TRAF3IP1: variants seen among roughly 807,000 people sequenced by gnomAD.
TRAF3IP1 encodes the protein intraflagellar transport 54, also known as TRAF3-interacting protein 1.
TRAF3IP1 carries 53 observed loss-of-function variants against 89.9 expected under a neutral mutation model. The ratio of observed to expected loss-of-function variants is 0.59; its 90% CI spans 0.47 to 0.74. TRAF3IP1 has a LOEUF of 0.74. Ranked by LOEUF, TRAF3IP1 falls within the 30% of genes least tolerant of loss-of-function variation. The pLI is 0.00. For missense variants in TRAF3IP1, 806 were observed against 866.1 expected, an observed-to-expected ratio of 0.93 and a Z score of 0.87; for synonymous variants, 311 against 322.1, an observed-to-expected ratio of 0.97 and a Z score of 0.37.
At position 238,399,653 on chromosome 2, in the gene TRAF3IP1, G is replaced by GT. The variant is rs1184719670; in HGVS notation, c.*738dup. ...TCACTTTCTTCCGCAGTTTACCCTG[G>GT]TTTTCCTCAGACAGAGGCTAGCGCA... On this transcript the variant is annotated 3_prime_UTR_variant, in exon 17 of 17. Coordinates refer to ENST00000373327, the MANE Select transcript of TRAF3IP1 (RefSeq NM_015650.4). 1 of 152,042 alleles carries GT rather than the reference G, an allele frequency of 6.6e-6. No individual in the cohort carries two copies. The highest frequency in any genetic ancestry group is 2.4e-5 in the African/African-American group (1 of 41,398). 9.4% of individuals were successfully genotyped at this position (152,042 alleles called of 1,614,324 possible). A position where few individuals can be genotyped will look rare whatever the true frequency, so the allele number is the denominator to read the frequency against.
At chr2:238,332,995 CACAT>C in intron 6 of TRAF3IP1, 100 bp downstream of exon 6, 1 of 864,864 alleles carries the variant, frequency 1.2e-6, no homozygotes, top group East Asian at 2.4e-5. Flanking sequence ...ATGGAAGGAG[CACAT>C]GGTCTGGGCC....
intron 15 of TRAF3IP1, among the ~76,000 whole-genome samples, chr2:238,386,983 A>G (rs968485077): frequency 2.0e-5 from 3 of 152,258 alleles, no homozygotes; most frequent in African/African-American, 7.2e-5. Flanking sequence ...TTCATTATAG[A>G]CAATATAATT....
rs1320275213 is a variant in TRAF3IP1, at chr2:238,345,369, C to T, written c.1261+771C>T. On this transcript the variant is annotated intron_variant, in intron 9 of 16. Transcript: ENST00000373327. The surrounding 1 kb of genome is among the most constrained non-coding windows in gnomAD (Gnocchi z 4.7). ...GGGTGGCAGTCTGGGACGGGAGGGGCCTTGGTTGGTGAGGGTGGCCCAGAA... is the reference window on the plus strand; with the variant it reads ...GGGTGGCAGTCTGGGACGGGAGGGGTCTTGGTTGGTGAGGGTGGCCCAGAA... 6.6e-6 allele frequency among the ~76,000 whole-genome samples: 1 copy of T among 152,114 alleles called. No individual in the cohort carries two copies. The highest frequency in any genetic ancestry group is 1.5e-5 in the Non-Finnish European group (1 of 68,022).
intron 9 of TRAF3IP1, among the ~76,000 whole-genome samples, chr2:238,346,238 G>A (rs1384991431): frequency 1.3e-5 from 2 of 152,128 alleles, no homozygotes; most frequent in African/African-American, 2.4e-5. Context: ...TCCCAGGGTT[G>A]AGCTGAGTCC....
At chr2:238,355,660 G>A (rs1231140875) in intron 14 of TRAF3IP1, among the ~76,000 whole-genome samples, 3 of 152,196 alleles carry the variant, frequency 2.0e-5, no homozygotes, top group African/African-American at 7.2e-5. Flanking sequence ...GTACTTAGAA[G>A]CATTTCTTGT....
At chr2:238,347,537 A>G in intron 10 of TRAF3IP1, 62 bp downstream of exon 10, 1 of 1,542,926 alleles carries the variant, frequency 6.5e-7, no homozygotes, top group South Asian at 1.1e-5. Flanking sequence ...GTGAATGTGA[A>G]TGTGGACTCT....
In TRAF3IP1 at chr2:238,356,777, AT is replaced by A. The variant is rs1332058374; in HGVS notation, c.1689+716del. Reference sequence around the variant, plus strand: ...CTGATTGCAAAGTAAGAGACTGGGAATTTTTTTTTTTTTTTTTTTGAGGTAG... The same window carrying A: ...CTGATTGCAAAGTAAGAGACTGGGAATTTTTTTTTTTTTTTTTTGAGGTAG... On this transcript the variant is annotated intron_variant, in intron 15 of 16. Transcript: ENST00000373327. 5.8e-3 allele frequency among the ~76,000 whole-genome samples: 784 copies of A among 135,700 alleles called. 2 individuals carry two copies. Among genetic ancestry groups the A allele is most frequent in the African/African-American group, 8.6e-3 (313 of 36,344 alleles). The allele number at this position is 135,700 out of a possible 152,430, so 89.0% of individuals were successfully genotyped here.
intron 15 of TRAF3IP1, among the ~76,000 whole-genome samples, chr2:238,383,948 C>T (rs1700650829): frequency 6.6e-6 from 1 of 152,154 alleles, no homozygotes. Context: ...CATATCTCCC[C>T]TTATGGTTTT....
chr2:238,368,671 A>G (rs976070607), intron 15 of TRAF3IP1, among the ~76,000 whole-genome samples: 11 of 152,118 alleles, frequency 7.2e-5, no homozygotes, highest in Non-Finnish European at 1.3e-4. Context: ...AGATATTGTT[A>G]TTAATAATTT....
intron 15 of TRAF3IP1, among the ~76,000 whole-genome samples, chr2:238,365,974 A>G (rs1262583136): frequency 2.0e-5 from 3 of 152,158 alleles, no homozygotes; most frequent in African/African-American, 7.2e-5. Flanking sequence ...GGCTGGGCGC[A>G]GTGGCTCACG....
intron 3 of TRAF3IP1, among the ~76,000 whole-genome samples, chr2:238,327,671 A>G (rs1697904889): frequency 6.6e-6 from 1 of 152,060 alleles, no homozygotes; most frequent in Non-Finnish European, 1.5e-5. Context: ...TGCAGCCATC[A>G]CCACCTTCCA....
At chr2:238,341,620 G>A (rs1210954091) in intron 8 of TRAF3IP1, among the ~76,000 whole-genome samples, 1 of 151,190 alleles carries the variant, frequency 6.6e-6, no homozygotes, top group African/African-American at 2.4e-5. Context: ...CTGGCCGAAT[G>A]ATGGACCTCT....
intron 8 of TRAF3IP1, among the ~76,000 whole-genome samples, chr2:238,339,591 C>T (rs1473109737): frequency 6.6e-6 from 1 of 152,244 alleles, no homozygotes; most frequent in East Asian, 1.9e-4. Context: ...ACAGGGATGA[C>T]TCCCCACTTC....
At position 238,338,309 on chromosome 2, in the gene TRAF3IP1, A is replaced by G; in HGVS notation, c.1064-53A>G. On this transcript the variant is annotated intron_variant, in intron 7 of 16. Coordinates refer to ENST00000373327, the MANE Select transcript of TRAF3IP1 (RefSeq NM_015650.4). The stretch of plus-strand genomic sequence containing the variant: ...CTTATAAATCCCAGCTAAAACAACC[A>G]AACACAAAATCTTTTATAATATTTT... The G allele has an allele frequency of 5.1e-6, 6 of 1,172,132 alleles. 1 individual carries two copies. Among genetic ancestry groups the G allele is most frequent in the Non-Finnish European group, 7.2e-6 (6 of 828,288 alleles). The allele number at this position is 1,172,132 out of a possible 1,614,324, so 72.6% of individuals were successfully genotyped here. A position where few individuals can be genotyped will look rare whatever the true frequency, so the allele number is the denominator to read the frequency against.
chr2:238,320,551 T>C lies in TRAF3IP1; in HGVS notation c.-112T>C. 1 of 1,031,426 alleles carries C rather than the reference T, an allele frequency of 9.7e-7. No individual in the cohort carries two copies. The highest frequency in any genetic ancestry group is 1.2e-6 in the Non-Finnish European group (1 of 861,314). The allele number at this position is 1,031,426 out of a possible 1,614,324, so 63.9% of individuals were successfully genotyped here. ...GGATGGAAACCGGAGCGGCGCGTCC[T>C]GGCAGGACCGGGCGGCGGCGGCGGC... On this transcript the variant is annotated 5_prime_UTR_variant, in exon 1 of 17. Coordinates refer to ENST00000373327, the MANE Select transcript of TRAF3IP1 (RefSeq NM_015650.4).
Position 238,338,359 on chromosome 2 carries a change from C to A in TRAF3IP1, c.1064-3C>A. On this transcript the variant is annotated splice_region_variant and splice_polypyrimidine_tract_variant and intron_variant, in intron 7 of 16. Coordinates refer to ENST00000373327, the MANE Select transcript of TRAF3IP1 (RefSeq NM_015650.4). ...TAATCTGTTGTTAACTATTTTATGT[C>A]AGGAAGGAAGGAGGATAATATTTCA... 6.6e-7 allele frequency: 1 copy of A among 1,519,692 alleles called. No homozygotes were observed. Among genetic ancestry groups the A allele is most frequent in the Non-Finnish European group, 9.0e-7 (1 of 1,115,962 alleles). 94.1% of individuals were successfully genotyped at this position (1,519,692 alleles called of 1,614,324 possible). A position where few individuals can be genotyped will look rare whatever the true frequency, so the allele number is the denominator to read the frequency against.
intron 15 of TRAF3IP1, among the ~76,000 whole-genome samples, chr2:238,394,239 T>C (rs947196364): frequency 6.6e-6 from 1 of 152,238 alleles, no homozygotes; most frequent in Non-Finnish European, 1.5e-5. Context: ...TTTCTGTCTT[T>C]ATTCTTTTTC....
At chr2:238,361,209 G>T (rs1055723002) in intron 15 of TRAF3IP1, among the ~76,000 whole-genome samples, 19 of 151,662 alleles carry the variant, frequency 1.3e-4, no homozygotes, top group Admixed American at 6.6e-4. Context: ...ACCACACCTG[G>T]CTAATTTTTG....
chr2:238,338,259 C>G, intron 7 of TRAF3IP1, 103 bp from the exon 8 acceptor site: 1 of 618,914 alleles, frequency 1.6e-6, no homozygotes. Context: ...AGACAGTTTG[C>G]TGGTGACCTT....
Sources: allele counts gnomAD v4.1 joint callset (sites outside exome capture counted in the v4.1 genomes callset), GRCh38; gene constraint gnomAD v4.1.1; non-coding constraint Gnocchi (gnomAD v3.1); transcripts MANE v1.5; gene names NCBI Gene and HGNC (gene_info 2026-07-23, HGNC 2026-07-21).